NBEA: variants seen among roughly 807,000 people sequenced by gnomAD.
NBEA encodes lysosomal-trafficking regulator 2.
NBEA carries 44 observed loss-of-function variants against 343.4 expected under a neutral mutation model. The ratio of observed to expected loss-of-function variants is 0.13; its 90% confidence interval spans 0.10 to 0.16. The LOEUF is 0.16. NBEA is among the 10% of genes least tolerant of loss of function. The pLI, the probability that NBEA is intolerant of heterozygous loss-of-function variation, is 1.00. For missense variants in NBEA, 2,555 were observed against 3,631.3 expected (o/e 0.70, Z 7.62); for synonymous variants, 1,175 against 1,238.7 (o/e 0.95, Z 1.08).
In NBEA at chr13:35,153,036, CT is replaced by C. The variant is rs1170584559; in HGVS notation, c.2446-2719del. 4.7e-3 allele frequency among the ~76,000 whole-genome samples: 575 copies of C among 123,334 alleles called. 2 individuals carry two copies. The highest frequency in any genetic ancestry group is 0.034 in the East Asian group (148 of 4,362). 80.9% of individuals were successfully genotyped at this position (123,334 alleles called of 152,430 possible). On this transcript the variant is annotated intron_variant, in intron 18 of 58. Transcript: ENST00000379939. ...CTCCCTTTTTAAACTTACATAGGTT[CT>C]TTTTTTTTTTTTTTTTTTGAGACAG...
intron 35 of NBEA, among the ~76,000 whole-genome samples, chr13:35,305,116 T>G (rs1017413814): frequency 6.6e-6 from 1 of 152,146 alleles, no homozygotes; most frequent in African/African-American, 2.4e-5. Context: ...AGCTAAACTA[T>G]CCACCATTTC....
At chr13:34,950,986 C>T (rs1304541060) in intron 1 of NBEA, among the ~76,000 whole-genome samples, 1 of 151,682 alleles carries the variant, frequency 6.6e-6, no homozygotes, top group African/African-American at 2.4e-5. Context: ...TCCTGTCTCA[C>T]AAAAAAAGAA....
At chr13:35,030,295 AC>A (rs1566184562) in intron 1 of NBEA, among the ~76,000 whole-genome samples, 1 of 148,892 alleles carries the variant, frequency 6.7e-6, no homozygotes, top group Non-Finnish European at 1.5e-5. Context: ...ATTATGGTCT[AC>A]TACATGTAGA....
intron 41 of NBEA, among the ~76,000 whole-genome samples, chr13:35,485,300 C>T (rs1566206141): frequency 6.6e-6 from 1 of 151,998 alleles, no homozygotes; most frequent in African/African-American, 2.4e-5. Flanking sequence ...CCATCTTTAA[C>T]CTATTTCCTT....
intron 35 of NBEA, among the ~76,000 whole-genome samples, chr13:35,308,542 A>ATATATATG (rs1211630612): frequency 9.8e-5 from 8 of 81,922 alleles, no homozygotes; most frequent in South Asian, 4.0e-4. Context: ...GTATATATGT[A>ATATATATG]TATATATGTA....
At chr13:35,509,125 G>A (rs1190584398) in intron 41 of NBEA, among the ~76,000 whole-genome samples, 2 of 152,168 alleles carry the variant, frequency 1.3e-5, no homozygotes, top group Admixed American at 6.5e-5. Context: ...TGTGTCTGGC[G>A]TATGCCTGCC....
chr13:35,346,940 G>A (rs7338175), intron 36 of NBEA, among the ~76,000 whole-genome samples: 22,665 of 151,992 alleles, frequency 0.15, 1,845 homozygotes, highest in East Asian at 0.24. Context: ...TTCACCTGTC[G>A]GTTTTTATGG....
intron 31 of NBEA, among the ~76,000 whole-genome samples, chr13:35,202,789 T>C (rs1480212824): frequency 6.6e-6 from 1 of 152,110 alleles, no homozygotes; most frequent in Non-Finnish European, 1.5e-5. Context: ...ATTTGGATGA[T>C]TAAAAAGAGG....
intron 1 of NBEA, among the ~76,000 whole-genome samples, chr13:35,033,430 A>G (rs1421788035): frequency 6.6e-6 from 1 of 152,008 alleles, no homozygotes; most frequent in Non-Finnish European, 1.5e-5. Flanking sequence ...ATTTGAAGTC[A>G]GGTAATGTGA....
chr13:35,662,522 G>T (rs562826323), intron 55 of NBEA, among the ~76,000 whole-genome samples: 2 of 152,306 alleles, frequency 1.3e-5, no homozygotes, highest in African/African-American at 2.4e-5. Flanking sequence ...TCCCGCCGCT[G>T]CAGGTTTCCC....
chr13:35,417,057 GTA>G (rs2043956029), intron 38 of NBEA, among the ~76,000 whole-genome samples: 1 of 152,108 alleles, frequency 6.6e-6, no homozygotes, highest in South Asian at 2.1e-4. Flanking sequence ...ATGGTAGTTT[GTA>G]TTTCTGTGGA....
chr13:35,606,603 G>T (rs2082289350), intron 48 of NBEA, 25 bp downstream of exon 48: 3 of 1,570,884 alleles, frequency 1.9e-6, no homozygotes, highest in East Asian at 2.3e-5. Flanking sequence ...GCTTTTGCTT[G>T]GGCAGTCATC....
intron 49 of NBEA, among the ~76,000 whole-genome samples, chr13:35,640,253 A>C (rs1416394874): frequency 6.6e-6 from 1 of 152,232 alleles, no homozygotes; most frequent in Non-Finnish European, 1.5e-5. Flanking sequence ...GAGGAGGTAG[A>C]ACTTCCTTGG....
In NBEA at chr13:35,016,649, T is replaced by G. The variant is rs556876461; in HGVS notation, c.295-24284T>G. Among the ~76,000 whole-genome samples, 4 of 151,962 alleles carry G rather than the reference T, an allele frequency of 2.6e-5. No individual in the cohort carries two copies. In the East Asian group the frequency reaches 7.7e-4, roughly 29 times the overall value. Reference sequence around the variant, plus strand: ...TTATTTATTTTAATTTGAGACAGATTGTATACACACAAATCAAGTATAGAT... The same window carrying G: ...TTATTTATTTTAATTTGAGACAGATGGTATACACACAAATCAAGTATAGAT... On this transcript the variant is annotated intron_variant, in intron 1 of 58. Coordinates refer to ENST00000379939, the MANE Select transcript of NBEA (RefSeq NM_001385012.1).
At chr13:35,129,969 G>C (rs56230401) in intron 17 of NBEA, among the ~76,000 whole-genome samples, 3,523 of 152,210 alleles carry the variant, frequency 0.023, 57 homozygotes, top group South Asian at 0.075. Context: ...CAAATACTTA[G>C]TGATTTTAGT....
rs971638494 is a variant in NBEA, at chr13:35,082,240, C to A, written c.1571+11388C>A. On this transcript the variant is annotated intron_variant, in intron 10 of 58. Transcript: ENST00000379939. The stretch of plus-strand genomic sequence containing the variant: ...GCTTCATCCATGTCCCTACAAAGGA[C>A]ATGAACTCATTATTTTTTATGGCTG... Among the ~76,000 whole-genome samples the A allele has an allele frequency of 9.9e-5, 15 of 152,148 alleles. 2 individuals carry two copies. The highest frequency in any genetic ancestry group is 9.8e-4 in the Admixed American group (15 of 15,244).
At chr13:35,582,231 A>G (rs1336276088) in intron 45 of NBEA, among the ~76,000 whole-genome samples, 1 of 152,206 alleles carries the variant, frequency 6.6e-6, no homozygotes, top group Non-Finnish European at 1.5e-5. Flanking sequence ...GCTTGCAGCG[A>G]GCCCAGATCG....
At chr13:35,647,485 T>C (rs1593462590) in intron 51 of NBEA, among the ~76,000 whole-genome samples, 1 of 152,364 alleles carries the variant, frequency 6.6e-6, no homozygotes, top group South Asian at 2.1e-4. Flanking sequence ...GATCTGATGC[T>C]AAGCACTGGA....
At chr13:35,173,430 T>C (rs2070626765) in intron 26 of NBEA, 34 bp from the exon 27 acceptor site, 13 of 1,509,814 alleles carry the variant, frequency 8.6e-6, no homozygotes, top group African/African-American at 1.4e-5. Context: ...GTCAACAATT[T>C]ATATTAACAA....
Sources: allele counts gnomAD v4.1 joint callset (sites outside exome capture counted in the v4.1 genomes callset), GRCh38; gene constraint gnomAD v4.1.1; transcripts MANE v1.5; gene names NCBI Gene and HGNC (gene_info 2026-07-23, HGNC 2026-07-21).